The following KCNB2 variants were observed in gnomAD, a reference collection of about 807,000 sequenced individuals.
The protein encoded by KCNB2 is delayed rectifier potassium channel protein.
In KCNB2, 15 loss-of-function variants were observed where a neutral mutation model predicts 61.5. The ratio of observed to expected loss-of-function variants is 0.24; its 90% CI spans 0.16 to 0.38. The LOEUF is 0.38. Ranked by LOEUF, KCNB2 falls within the 10% of genes least tolerant of loss-of-function variation. The pLI is 1.00. For missense variants in KCNB2, 828 were observed against 1,125.2 expected, an observed-to-expected ratio of 0.74 and a Z score of 3.78; for synonymous variants, 457 against 446.0, an observed-to-expected ratio of 1.02 and a Z score of -0.31.
chr8:72,548,416 C>T (rs1806294385), intron 1 of KCNB2, among the ~76,000 whole-genome samples: 1 of 152,204 alleles, frequency 6.6e-6, no homozygotes, highest in Admixed American at 6.5e-5. Flanking sequence ...CCTGTCCTGG[C>T]AATAGGGCAC....
chr8:72,777,278 T>C (rs1808671724), intron 2 of KCNB2, among the ~76,000 whole-genome samples: 1 of 152,226 alleles, frequency 6.6e-6, no homozygotes, highest in African/African-American at 2.4e-5. Context: ...TTGTAAGTGC[T>C]ACTAAGACAT....
chr8:72,850,190 AGTGT>A (rs745821437), intron 2 of KCNB2, among the ~76,000 whole-genome samples: 2,334 of 87,924 alleles, frequency 0.027, 67 homozygotes, highest in African/African-American at 0.079. Context: ...AGTGTATGTA[AGTGT>A]GTGTGTGTGT....
At chr8:72,695,866 A>G (rs939897317) in intron 2 of KCNB2, among the ~76,000 whole-genome samples, 8 of 152,178 alleles carry the variant, frequency 5.3e-5, no homozygotes, top group African/African-American at 1.9e-4. Flanking sequence ...TGATTACTTA[A>G]TGCTTTCTGC....
At chr8:72,619,724 AC>A (rs1047258792) in intron 2 of KCNB2, among the ~76,000 whole-genome samples, 4 of 152,128 alleles carry the variant, frequency 2.6e-5, no homozygotes, top group African/African-American at 2.4e-5. Context: ...CTTATCATCC[AC>A]AAAAAAAGAG....
intron 2 of KCNB2, among the ~76,000 whole-genome samples, chr8:72,569,843 T>C (rs1441624058): frequency 2.6e-5 from 4 of 152,156 alleles, no homozygotes; most frequent in Admixed American, 6.5e-5. Context: ...AAATCATTGT[T>C]CCATCAAAAT....
At chr8:72,755,639 C>T (rs894493038) in intron 2 of KCNB2, among the ~76,000 whole-genome samples, 1 of 152,120 alleles carries the variant, frequency 6.6e-6, no homozygotes, top group Non-Finnish European at 1.5e-5. Flanking sequence ...AAGTTAAAAC[C>T]ACAATTAGAT....
At chr8:72,919,649 A>C (rs561269286) in intron 2 of KCNB2, among the ~76,000 whole-genome samples, 3 of 152,292 alleles carry the variant, frequency 2.0e-5, no homozygotes, top group South Asian at 4.1e-4. Flanking sequence ...TCACTGACAA[A>C]CTGATTGCAT....
At chr8:72,775,395 G>C (rs1016107326) in intron 2 of KCNB2, among the ~76,000 whole-genome samples, 2 of 152,190 alleles carry the variant, frequency 1.3e-5, no homozygotes, top group African/African-American at 2.4e-5. Context: ...CCAATTTTGA[G>C]CCCTGTTAGA....
chr8:72,831,121 A>T (rs1014352123), intron 2 of KCNB2, among the ~76,000 whole-genome samples: 1 of 152,234 alleles, frequency 6.6e-6, no homozygotes, highest in African/African-American at 2.4e-5. Flanking sequence ...GTGGGTAGTC[A>T]TGCTGACTGG....
At chr8:72,574,870 C>T (rs1220087302) in intron 2 of KCNB2, among the ~76,000 whole-genome samples, 1 of 149,934 alleles carries the variant, frequency 6.7e-6, no homozygotes, top group Non-Finnish European at 1.5e-5. Context: ...AAATGATCTA[C>T]TCTTTTAGGT....
intron 2 of KCNB2, among the ~76,000 whole-genome samples, chr8:72,850,529 C>T (rs576955861): frequency 7.9e-5 from 12 of 152,160 alleles, no homozygotes; most frequent in African/African-American, 2.4e-4. Flanking sequence ...CCACCATTTA[C>T]GTTTAATAAA....
intron 2 of KCNB2, among the ~76,000 whole-genome samples, chr8:72,713,372 T>C (rs1295116165): frequency 6.6e-6 from 1 of 152,270 alleles, no homozygotes; most frequent in South Asian, 2.1e-4. Context: ...TTCAAGTGGG[T>C]CCCTGACCCC....
chr8:72,703,678 G>T (rs1161198563), intron 2 of KCNB2, among the ~76,000 whole-genome samples: 1 of 152,054 alleles, frequency 6.6e-6, no homozygotes, highest in African/African-American at 2.4e-5. Context: ...AGAGAAGCTG[G>T]GCCATGCCTT....
Position 72,594,554 on chromosome 8 carries a change from A to G in KCNB2, c.579+26241A>G, listed in dbSNP as rs569771674. On this transcript the variant is annotated intron_variant, in intron 2 of 2. Coordinates refer to ENST00000523207, the MANE Select transcript of KCNB2 (RefSeq NM_004770.3). ...CAGAGTACTTTATTTTGGTAGCTGT[A>G]GCCTTGGCTTTTGTTTTGGTAATGA... Among the ~76,000 whole-genome samples the G allele has an allele frequency of 3.9e-5, 6 of 152,342 alleles. No individual in the cohort carries two copies. The East Asian group carries it at 9.6e-4, about 24-fold the overall frequency.
intron 2 of KCNB2, among the ~76,000 whole-genome samples, chr8:72,706,670 G>C (rs950108844): frequency 6.6e-6 from 1 of 152,098 alleles, no homozygotes; most frequent in Non-Finnish European, 1.5e-5. Context: ...AAACATGACT[G>C]GTCTTTTCAT....
At position 72,759,296 on chromosome 8, in the gene KCNB2, G is replaced by T. The variant is rs551967348; in HGVS notation, c.580-176639G>T. ...CGGAAAATGAAACTCGCCCTGTGGAGAAAAGAATACCACCTCTCTATATTC... is the reference window on the plus strand; with the variant it reads ...CGGAAAATGAAACTCGCCCTGTGGATAAAAGAATACCACCTCTCTATATTC... On this transcript the variant is annotated intron_variant, in intron 2 of 2. Transcript: ENST00000523207. Among the ~76,000 whole-genome samples, 5 of 152,212 alleles carry T rather than the reference G, an allele frequency of 3.3e-5. No homozygotes were observed. The South Asian group carries it at 1.0e-3, about 32-fold the overall frequency.
At chr8:72,850,190 AGTGTGTGTGT>A (rs745821437) in intron 2 of KCNB2, among the ~76,000 whole-genome samples, 2 of 87,950 alleles carry the variant, frequency 2.3e-5, no homozygotes, top group East Asian at 4.9e-4. Flanking sequence ...AGTGTATGTA[AGTGTGTGTGT>A]GTGTGTGTGT....
chr8:72,559,086 C>A (rs1480681540), intron 1 of KCNB2, among the ~76,000 whole-genome samples: 1 of 151,378 alleles, frequency 6.6e-6, no homozygotes, highest in Non-Finnish European at 1.5e-5. Flanking sequence ...ACCTTGAAGT[C>A]TTTGTATAGT....
chr8:72,926,290 A>G (rs1053779901), intron 2 of KCNB2, among the ~76,000 whole-genome samples: 3 of 152,242 alleles, frequency 2.0e-5, no homozygotes, highest in Non-Finnish European at 2.9e-5. Flanking sequence ...GAGAAATTTC[A>G]TAACCTAAAG....
Sources: gnomAD v4.1 joint callset for allele counts (sites outside exome capture counted in the v4.1 genomes callset) on GRCh38, gnomAD v4.1.1 for gene constraint, MANE v1.5 for transcripts, NCBI Gene and HGNC (gene_info 2026-07-23, HGNC 2026-07-21) for gene names.